Variants in TMEM38A observed in about 807,000 individuals in gnomAD.
The protein encoded by TMEM38A is transmembrane protein 38A.
A neutral mutation model predicts 28.6 loss-of-function variants in TMEM38A; 17 were observed. The observed-to-expected ratio is 0.60, with a 90% CI of 0.41 to 0.89. The LOEUF is 0.89. Ranked by LOEUF, TMEM38A falls within the 40% of genes least tolerant of loss-of-function variation. The probability of loss-of-function intolerance (pLI) is 0.00; values close to 1 mark genes in which losing one functional copy is unlikely to be tolerated. For synonymous variants in TMEM38A, 169 were observed against 166.1 expected, an observed-to-expected ratio of 1.02 and a Z score of -0.14; for missense variants, 328 against 393.1, an observed-to-expected ratio of 0.83 and a Z score of 1.40.
In TMEM38A at chr19:16,680,001, C is replaced by T. The variant is rs1269984715; in HGVS notation, c.142C>T (p.Arg48Trp). 8 of 1,607,316 alleles carry T rather than the reference C, an allele frequency of 5.0e-6. No homozygotes were observed. Among genetic ancestry groups the T allele is most frequent in the East Asian group, 4.5e-5 (2 of 44,852 alleles). Residue 48 changes from arginine to tryptophan, a missense_variant, in exon 2 of 6, where the codon CGG becomes TGG. Physicochemically the swap from Arg to Trp is moderately radical, Grantham distance 101. Coordinates refer to ENST00000187762, the MANE Select transcript of TMEM38A (RefSeq NM_024074.4). Reference protein sequence around the residue: ...KYEPGAVELSRRHPIASWLCA... With the variant: ...KYEPGAVELSWRHPIASWLCA... ...CCTCCCAGGAGCAGTCGAACTGTCC[C>T]GGCGCCACCCCATCGCGTCCTGGCT... is the stretch of plus-strand genomic sequence containing the variant.
intron 2 of TMEM38A, 55 bp from the exon 3 acceptor site, chr19:16,680,342 C>T (rs2086776100): frequency 1.3e-6 from 2 of 1,595,702 alleles, no homozygotes; most frequent in Non-Finnish European, 1.7e-6. Flanking sequence ...AGCTCCCTAC[C>T]CCCATCCTTC....
intron 3 of TMEM38A, among the ~76,000 whole-genome samples, chr19:16,681,467 G>A (rs1279579980): frequency 1.3e-5 from 2 of 152,114 alleles, no homozygotes; most frequent in Admixed American, 6.6e-5. Context: ...GGGAGAAAGA[G>A]ATAATTCAAC....
chr19:16,667,987 T>A (rs182056477), intron 1 of TMEM38A, among the ~76,000 whole-genome samples: 66 of 152,146 alleles, frequency 4.3e-4, no homozygotes, highest in African/African-American at 1.6e-3. Flanking sequence ...GGCTGGTGGA[T>A]CACCTGAAGT....
At chr19:16,667,844 A>G (rs1431917053) in intron 1 of TMEM38A, among the ~76,000 whole-genome samples, 11 of 149,630 alleles carry the variant, frequency 7.4e-5, no homozygotes, top group Admixed American at 6.7e-4. Context: ...TGGGTGACAG[A>G]GCAAGACTCC....
rs370029219 is a variant in TMEM38A at position 16,680,591 on chromosome 19, A to T, written c.466+10A>T. Reference sequence around the variant, plus strand: ...ACTGGGTGGGTCAAAGGTAAATAGGATGATGACAATGAAAAATCATCCCAG... The same window carrying T: ...ACTGGGTGGGTCAAAGGTAAATAGGTTGATGACAATGAAAAATCATCCCAG... On this transcript the variant is annotated intron_variant, in intron 3 of 5. Transcript: ENST00000187762. 6.3e-5 allele frequency: 102 copies of T among 1,607,042 alleles called. No individual in the cohort carries two copies. The highest frequency in any genetic ancestry group is 8.3e-5 in the Admixed American group (5 of 59,894).
intron 1 of TMEM38A, among the ~76,000 whole-genome samples, chr19:16,671,549 G>A (rs372411193): frequency 1.3e-5 from 2 of 151,694 alleles, no homozygotes; most frequent in Admixed American, 6.6e-5. Flanking sequence ...CTAAGGCTTG[G>A]GGGGGCAGGC....
intron 1 of TMEM38A, among the ~76,000 whole-genome samples, chr19:16,679,123 T>C (rs1321470315): frequency 6.8e-6 from 1 of 146,912 alleles, no homozygotes; most frequent in Non-Finnish European, 1.5e-5. Context: ...CACTCCAGCC[T>C]GGGTGACAGA....
At chr19:16,686,707 A>T (rs1362514487) in intron 5 of TMEM38A, among the ~76,000 whole-genome samples, 1 of 152,130 alleles carries the variant, frequency 6.6e-6, no homozygotes, top group African/African-American at 2.4e-5. Context: ...TGGCAGCATC[A>T]GGTACCCAGG....
chr19:16,681,553 T>C (rs755827796), intron 3 of TMEM38A, among the ~76,000 whole-genome samples: 24 of 152,178 alleles, frequency 1.6e-4, no homozygotes, highest in East Asian at 1.9e-4. Flanking sequence ...CCAAAAACCA[T>C]TGGGCACTTT....
At chr19:16,668,811 C>A (rs1192921480) in intron 1 of TMEM38A, among the ~76,000 whole-genome samples, 1 of 151,182 alleles carries the variant, frequency 6.6e-6, no homozygotes, top group Non-Finnish European at 1.5e-5. Flanking sequence ...GATAATATTT[C>A]TTTCTTTTTT....
intron 4 of TMEM38A, among the ~76,000 whole-genome samples, chr19:16,683,385 T>C (rs947772814): frequency 1.3e-5 from 2 of 151,380 alleles, no homozygotes; most frequent in African/African-American, 4.9e-5. Flanking sequence ...GTCCAGGAGT[T>C]CAAGACAAGA....
At chr19:16,664,232 A>G (rs373163980) in intron 1 of TMEM38A, among the ~76,000 whole-genome samples, 1 of 150,674 alleles carries the variant, frequency 6.6e-6, no homozygotes, top group Non-Finnish European at 1.5e-5. Flanking sequence ...CCTGGGCAAC[A>G]TGACAAAACC....
In TMEM38A at chr19:16,688,667, A is replaced by G. The variant is rs1015027888; in HGVS notation, c.*296A>G. The G allele has an allele frequency of 3.5e-6, 1 of 288,164 alleles. No individual in the cohort carries two copies. The allele number at this position is 288,164 out of a possible 1,614,324, so 17.9% of individuals were successfully genotyped here. A position where few individuals can be genotyped will look rare whatever the true frequency, so the allele number is the denominator to read the frequency against. On this transcript the variant is annotated 3_prime_UTR_variant, in exon 6 of 6. Coordinates refer to ENST00000187762, the MANE Select transcript of TMEM38A (RefSeq NM_024074.4). ...CCAGTCAAGAATGTCACTGGTTGGC[A>G]TGATATTCTTAGTTGTATTTTTCCT...
At chr19:16,673,184 C>A (rs529834373) in intron 1 of TMEM38A, among the ~76,000 whole-genome samples, 1 of 152,262 alleles carries the variant, frequency 6.6e-6, no homozygotes, top group South Asian at 2.1e-4. Flanking sequence ...CGGGTTCAAG[C>A]GATTCTCCTA....
At chr19:16,684,479 CAA>C (rs888140973) in intron 4 of TMEM38A, among the ~76,000 whole-genome samples, 2 of 124,692 alleles carry the variant, frequency 1.6e-5, no homozygotes, top group Non-Finnish European at 1.7e-5. Context: ...GACCTTGTCT[CAA>C]AAAAAAAAAA....
intron 5 of TMEM38A, among the ~76,000 whole-genome samples, chr19:16,686,833 C>T (rs2086804095): frequency 6.6e-6 from 1 of 152,108 alleles, no homozygotes; most frequent in African/African-American, 2.4e-5. Flanking sequence ...AAGATCTTAG[C>T]TCAGGGCTGT....
chr19:16,679,592 C>T (rs1401917279), intron 1 of TMEM38A, among the ~76,000 whole-genome samples: 2 of 152,020 alleles, frequency 1.3e-5, no homozygotes, highest in Non-Finnish European at 2.9e-5. Flanking sequence ...CATGCCCGGC[C>T]CAGAGTAGCA....
chr19:16,671,969 G>A (rs2086729506), intron 1 of TMEM38A, among the ~76,000 whole-genome samples: 1 of 152,200 alleles, frequency 6.6e-6, no homozygotes, highest in Non-Finnish European at 1.5e-5. Flanking sequence ...CCTCTGCACA[G>A]GCCACCAGCT....
At chr19:16,664,261 C>CA (rs57897874) in intron 1 of TMEM38A, among the ~76,000 whole-genome samples, 1 of 151,452 alleles carries the variant, frequency 6.6e-6, no homozygotes, top group Non-Finnish European at 1.5e-5. Context: ...ACTACAAATG[C>CA]AAAAAAATAG....
Sources: gnomAD v4.1 joint callset for allele counts (sites outside exome capture counted in the v4.1 genomes callset) on GRCh38, gnomAD v4.1.1 for gene constraint, MANE v1.5 for transcripts, NCBI Gene and HGNC (gene_info 2026-07-23, HGNC 2026-07-21) for gene names.